Variants in PTPN11 observed in about 807,000 individuals in gnomAD.
PTPN11 encodes the protein protein tyrosine phosphatase non-receptor type 11.
PTPN11 carries 6 observed loss-of-function variants against 78.8 expected under a neutral mutation model. That is an observed-to-expected ratio of 0.08 (90% CI 0.04 to 0.15). PTPN11 has a LOEUF of 0.15. Among genes scored for constraint, PTPN11 ranks in the 10% least tolerant of loss-of-function variants. PTPN11 has a pLI of 1.00. For synonymous variants in PTPN11, 221 were observed against 263.5 expected, an observed-to-expected ratio of 0.84 and a Z score of 1.56; for missense variants, 386 against 744.8, an observed-to-expected ratio of 0.52 and a Z score of 5.61.
At chr12:112,450,874 A>G (rs773881972) in intron 3 of PTPN11, among the ~76,000 whole-genome samples, 7 of 152,182 alleles carry the variant, frequency 4.6e-5, no homozygotes, top group Non-Finnish European at 5.9e-5. Flanking sequence ...GCAGTTTTCT[A>G]TGGTGGCTCT....
chr12:112,463,283 G>A (rs1004958243), intron 6 of PTPN11, among the ~76,000 whole-genome samples: 1 of 151,632 alleles, frequency 6.6e-6, no homozygotes, highest in African/African-American at 2.4e-5. Context: ...GTCTTGCTAT[G>A]TTGCCCAGGC....
At chr12:112,455,316 A>C (rs1273061776) in intron 5 of PTPN11, among the ~76,000 whole-genome samples, 2 of 147,990 alleles carry the variant, frequency 1.4e-5, no homozygotes, top group African/African-American at 5.0e-5. Flanking sequence ...GCTCACTGCA[A>C]CCTCTGCGTC....
intron 1 of PTPN11, among the ~76,000 whole-genome samples, chr12:112,442,932 A>C (rs2037931849): frequency 7.3e-6 from 1 of 136,106 alleles, no homozygotes; most frequent in Non-Finnish European, 1.6e-5. Context: ...TTTATATATA[A>C]AATACATATC....
chr12:112,463,666 A>G (rs954407873), intron 6 of PTPN11, among the ~76,000 whole-genome samples: 4 of 152,204 alleles, frequency 2.6e-5, no homozygotes, highest in African/African-American at 7.2e-5. Context: ...TTAACAACAA[A>G]AGGGAAAAAT....
chr12:112,503,746 T>C (rs1343668559), intron 14 of PTPN11, among the ~76,000 whole-genome samples: 1 of 152,170 alleles, frequency 6.6e-6, no homozygotes, highest in East Asian at 1.9e-4. Flanking sequence ...ACAGACAGCC[T>C]GTCTGCCTTT....
Position 112,442,862 on chromosome 12 carries a change from ATATATATATATATAT to A in PTPN11, c.15-3413_15-3399del, listed in dbSNP as rs1566162737. On this transcript the variant is annotated intron_variant, in intron 1 of 15. Coordinates refer to ENST00000351677, the MANE Select transcript of PTPN11 (RefSeq NM_002834.5). The stretch of plus-strand genomic sequence containing the variant: ...TATATATATATATATATATATATAT[ATATATATATATATAT>A]AAATTATATATACACTACACATATA... Among the ~76,000 whole-genome samples the A allele has an allele frequency of 4.3e-4, 34 of 79,632 alleles. 1 individual carries two copies. In the East Asian group the frequency reaches 0.02, roughly 46 times the overall value. 52.2% of individuals were successfully genotyped at this position (79,632 alleles called of 152,430 possible).
chr12:112,488,921 G>A (rs2038712120), intron 12 of PTPN11, 103 bp from the exon 13 acceptor site: 2 of 1,481,244 alleles, frequency 1.4e-6, no homozygotes, highest in Non-Finnish European at 1.9e-6. Context: ...AAACAGCAAA[G>A]ACTAAATTAG....
chr12:112,500,080 C>T (rs1052479334), intron 13 of PTPN11, among the ~76,000 whole-genome samples: 2 of 151,904 alleles, frequency 1.3e-5, no homozygotes, highest in African/African-American at 4.8e-5. Flanking sequence ...CCCGTCTCTA[C>T]TAAAAATACA....
chr12:112,422,156 A>C (rs1395775423), intron 1 of PTPN11, among the ~76,000 whole-genome samples: 3 of 152,204 alleles, frequency 2.0e-5, no homozygotes, highest in African/African-American at 7.2e-5. Flanking sequence ...GGTTTAGAGA[A>C]GGTGATCGTG....
At chr12:112,489,322 G>A (rs1402988733) in intron 13 of PTPN11, 147 bp downstream of exon 13, 4 of 969,408 alleles carry the variant, frequency 4.1e-6, no homozygotes, top group Non-Finnish European at 6.5e-6. Flanking sequence ...AGGGCCTCTG[G>A]AAACTGTCAA....
At chr12:112,439,790 A>C (rs574098757) in intron 1 of PTPN11, among the ~76,000 whole-genome samples, 6,238 of 150,644 alleles carry the variant, frequency 0.041, 222 homozygotes, top group Admixed American at 0.11. Context: ...TTTTTAAAAA[A>C]AAAAACAAAA....
intron 6 of PTPN11, among the ~76,000 whole-genome samples, chr12:112,472,255 T>A (rs886513005): frequency 6.6e-6 from 1 of 152,234 alleles, no homozygotes; most frequent in Admixed American, 6.5e-5. Flanking sequence ...CTGGAGTAGC[T>A]GGGACTACAG....
chr12:112,445,870 C>T (rs566666858), intron 1 of PTPN11, among the ~76,000 whole-genome samples: 15 of 152,030 alleles, frequency 9.9e-5, no homozygotes, highest in Non-Finnish European at 1.9e-4. Flanking sequence ...GAACTCCCGA[C>T]CCCAGCTGAT....
chr12:112,456,080 C>A lies in PTPN11; in HGVS notation c.756+17C>A. The A allele has an allele frequency of 6.6e-7, 1 of 1,520,868 alleles. No individual in the cohort carries two copies. The highest frequency in any genetic ancestry group is 9.1e-7 in the Non-Finnish European group (1 of 1,095,692). 94.2% of individuals were successfully genotyped at this position (1,520,868 alleles called of 1,614,324 possible). On this transcript the variant is annotated intron_variant, in intron 6 of 15. Coordinates refer to ENST00000351677, the MANE Select transcript of PTPN11 (RefSeq NM_002834.5). Reference sequence around the variant, plus strand: ...GAATTTGAGGTAAGTTATTAAAAAACTGTTTTTACGTGAGTTGTTATATCC... The same window carrying A: ...GAATTTGAGGTAAGTTATTAAAAAAATGTTTTTACGTGAGTTGTTATATCC...
chr12:112,503,168 A>G (rs1283492225), intron 14 of PTPN11, among the ~76,000 whole-genome samples: 2 of 152,252 alleles, frequency 1.3e-5, no homozygotes, highest in African/African-American at 4.8e-5. Context: ...CCGAAGAATA[A>G]TATGCGACAG....
Position 112,454,575 on chromosome 12 carries a change from C to T in PTPN11, c.537C>T (p.Tyr179=), listed in dbSNP as rs141015445. Residue 179 remains tyrosine (Y), a synonymous_variant, in exon 5 of 16, where the codon TAC becomes TAT. Coordinates refer to ENST00000351677, the MANE Select transcript of PTPN11 (RefSeq NM_002834.5). ...HVMIRCQELK[Y]DVGGGERFDS... ...GTTTATCTTGAAAGGAACTGAAATA[C>T]GACGTTGGTGGAGGAGAACGGTTTG... The T allele has an allele frequency of 2.6e-5, 42 of 1,611,854 alleles. No homozygotes were observed. Among genetic ancestry groups the T allele is most frequent in the Non-Finnish European group, 3.3e-5 (39 of 1,178,418 alleles).
intron 6 of PTPN11, among the ~76,000 whole-genome samples, chr12:112,467,000 C>G (rs2038336249): frequency 6.6e-6 from 1 of 152,064 alleles, no homozygotes; most frequent in Non-Finnish European, 1.5e-5. Context: ...CCTCTGGGGT[C>G]TATTTTGGTC....
At chr12:112,469,578 A>C (rs545707081) in intron 6 of PTPN11, among the ~76,000 whole-genome samples, 36 of 151,866 alleles carry the variant, frequency 2.4e-4, no homozygotes, top group Non-Finnish European at 4.1e-4. Context: ...GCAGTGACAC[A>C]ATCTCGGCTC....
Position 112,507,008 on chromosome 12 carries a change from G to T in PTPN11, c.*1216G>T. 1 of 241,954 alleles carries T rather than the reference G, an allele frequency of 4.1e-6. No individual in the cohort carries two copies. The highest frequency in any genetic ancestry group is 8.4e-6 in the Non-Finnish European group (1 of 119,650). The allele number at this position is 241,954 out of a possible 1,614,324, so 15.0% of individuals were successfully genotyped here. The stretch of plus-strand genomic sequence containing the variant: ...TGATGATGATGGTTTTTTCTAATCA[G>T]AAGAAAGCTGGGGTATGCCCTCTAC... On this transcript the variant is annotated 3_prime_UTR_variant, in exon 16 of 16. Coordinates refer to ENST00000351677, the MANE Select transcript of PTPN11 (RefSeq NM_002834.5).
Sources: allele counts gnomAD v4.1 joint callset (sites outside exome capture counted in the v4.1 genomes callset), GRCh38; gene constraint gnomAD v4.1.1; transcripts MANE v1.5; gene names NCBI Gene and HGNC (gene_info 2026-07-23, HGNC 2026-07-21).